Variants in SYNPR observed in about 807,000 individuals in gnomAD.
The protein encoded by SYNPR is synaptoporin.
Under a neutral mutation model 32.9 loss-of-function variants are expected in SYNPR, and 23 were observed. That is an observed-to-expected ratio of 0.70 (90% CI 0.50 to 0.99). The LOEUF (loss-of-function observed/expected upper bound fraction) is 0.99, where lower values mean the gene tolerates loss of function less well. Among genes scored for constraint, SYNPR ranks in the 50% least tolerant of loss-of-function variants. SYNPR has a pLI of 0.00. For synonymous variants in SYNPR, 146 were observed against 135.9 expected (o/e 1.07, Z -0.52); for missense variants, 318 against 349.3 (o/e 0.91, Z 0.71).
At chr3:63,574,329 T>C (rs1195839424) in intron 4 of SYNPR, among the ~76,000 whole-genome samples, 1 of 152,154 alleles carries the variant, frequency 6.6e-6, no homozygotes, top group Admixed American at 6.5e-5. Flanking sequence ...GTGATTACTA[T>C]GTGTTGCATT....
intron 3 of SYNPR, among the ~76,000 whole-genome samples, chr3:63,545,738 G>A (rs916269198): frequency 5.9e-5 from 9 of 152,008 alleles, no homozygotes; most frequent in African/African-American, 2.2e-4. Flanking sequence ...ATTAAATTAT[G>A]AAGAACCTTA....
intron 2 of SYNPR, among the ~76,000 whole-genome samples, chr3:63,413,307 G>C (rs1194654963): frequency 1.3e-5 from 2 of 152,096 alleles, no homozygotes; most frequent in African/African-American, 4.8e-5. Context: ...TAGCTGACTT[G>C]AACTGTAACA....
the SYNPR span, among the ~76,000 whole-genome samples, chr3:63,204,478 A>G: frequency 1.3e-5 from 2 of 152,116 alleles, no homozygotes; most frequent in African/African-American, 4.8e-5. Context: ...AATCAGTTCT[A>G]TCTGTAATGA....
At chr3:63,326,629 A>C (rs781643097) in intron 2 of SYNPR, among the ~76,000 whole-genome samples, 3 of 152,142 alleles carry the variant, frequency 2.0e-5, no homozygotes, top group African/African-American at 4.8e-5. Flanking sequence ...GAAGCCCAGA[A>C]GCCAGATGCT....
chr3:63,434,916 T>C lies in SYNPR; in HGVS notation c.85-45916T>C, dbSNP rs541879349. Among the ~76,000 whole-genome samples the C allele has an allele frequency of 1.1e-3, 164 of 152,326 alleles. 2 individuals carry two copies. The South Asian group carries it at 0.032, about 30-fold the overall frequency. On this transcript the variant is annotated intron_variant, in intron 2 of 5. Coordinates refer to ENST00000478300, the MANE Select transcript of SYNPR (RefSeq NM_001130003.2). ...CTTATTTAGTGCCTACTATGAACAA[T>C]GTAATATTGTGTGCTATGCAGGACG...
chr3:63,398,840 G>T (rs1045442041), intron 2 of SYNPR, among the ~76,000 whole-genome samples: 1 of 152,216 alleles, frequency 6.6e-6, no homozygotes, highest in African/African-American at 2.4e-5. Context: ...GGGGACCACA[G>T]ATGGTGAACT....
chr3:63,400,876 A>G (rs2088281229), intron 2 of SYNPR, among the ~76,000 whole-genome samples: 1 of 152,196 alleles, frequency 6.6e-6, no homozygotes, highest in South Asian at 2.1e-4. Context: ...TTAATTAAAT[A>G]GCAGTAGGGC....
At chr3:63,433,515 T>C (rs1018303115) in intron 2 of SYNPR, among the ~76,000 whole-genome samples, 23 of 152,154 alleles carry the variant, frequency 1.5e-4, no homozygotes, top group African/African-American at 5.3e-4. Flanking sequence ...TAATCAACTA[T>C]TGGAGGAAAG....
intron 3 of SYNPR, among the ~76,000 whole-genome samples, chr3:63,271,829 T>C (rs546840654): frequency 2.2e-4 from 34 of 152,158 alleles, no homozygotes; most frequent in South Asian, 2.1e-3. Flanking sequence ...TAATCTATAG[T>C]TTTAGGATTA....
At chr3:63,554,120 T>C (rs1458815552) in intron 3 of SYNPR, among the ~76,000 whole-genome samples, 1 of 152,222 alleles carries the variant, frequency 6.6e-6, no homozygotes, top group African/African-American at 2.4e-5. Context: ...TTATAGGTTA[T>C]GGATATTAGA....
intron 4 of SYNPR, among the ~76,000 whole-genome samples, chr3:63,584,025 C>T (rs1703139814): frequency 6.6e-6 from 1 of 152,070 alleles, no homozygotes; most frequent in African/African-American, 2.4e-5. Context: ...AAGAAAAATA[C>T]TGGCCTTTTG....
intron 3 of SYNPR, among the ~76,000 whole-genome samples, chr3:63,509,964 C>T (rs1031362927): frequency 2.3e-5 from 3 of 128,156 alleles, no homozygotes; most frequent in African/African-American, 8.1e-5. Flanking sequence ...TTCTTTGCTT[C>T]CTTTTTTTCC....
chr3:63,339,904 G>A (rs73108923), intron 2 of SYNPR, among the ~76,000 whole-genome samples: 7,293 of 152,058 alleles, frequency 0.048, 240 homozygotes, highest in Middle Eastern at 0.092. Context: ...TGATCTGCCC[G>A]CCTCGGCCTC....
intron 2 of SYNPR, among the ~76,000 whole-genome samples, chr3:63,431,945 C>T (rs1369924486): frequency 2.6e-5 from 4 of 152,050 alleles, no homozygotes; most frequent in South Asian, 2.1e-4. Context: ...ACTCACCACA[C>T]AGGCCTTCAG....
chr3:63,298,148 TTTAAAG>T (rs980605696), intron 2 of SYNPR, among the ~76,000 whole-genome samples: 5 of 152,188 alleles, frequency 3.3e-5, no homozygotes, highest in African/African-American at 1.2e-4. Context: ...TGTTCTTTGT[TTTAAAG>T]TTAAACTATA....
chr3:63,503,368 T>C (rs1365441770), intron 3 of SYNPR, among the ~76,000 whole-genome samples: 2 of 152,130 alleles, frequency 1.3e-5, no homozygotes, highest in Non-Finnish European at 2.9e-5. Context: ...AATGTATCTT[T>C]TGCAAATATT....
chr3:63,441,952 A>C (rs1448265130), intron 2 of SYNPR, among the ~76,000 whole-genome samples: 4 of 152,172 alleles, frequency 2.6e-5, no homozygotes, highest in Non-Finnish European at 5.9e-5. Flanking sequence ...CCATTTTACA[A>C]AGGGGAAACC....
At chr3:63,350,291 C>T (rs959870150) in intron 2 of SYNPR, among the ~76,000 whole-genome samples, 5 of 151,980 alleles carry the variant, frequency 3.3e-5, no homozygotes, top group Non-Finnish European at 7.4e-5. Context: ...CCTATATATA[C>T]AGCCTTTATA....
intron 2 of SYNPR, among the ~76,000 whole-genome samples, chr3:63,302,099 T>C (rs1271596090): frequency 2.0e-5 from 3 of 152,108 alleles, no homozygotes; most frequent in Non-Finnish European, 4.4e-5. Context: ...TCTCGTTTCA[T>C]CATTTTCTAC....
Sources: allele counts gnomAD v4.1 joint callset (sites outside exome capture counted in the v4.1 genomes callset), GRCh38; gene constraint gnomAD v4.1.1; transcripts MANE v1.5; gene names NCBI Gene and HGNC (gene_info 2026-07-23, HGNC 2026-07-21).